Variants in AUTS2 observed in about 807,000 individuals in gnomAD.
AUTS2 encodes the protein activator of transcription and developmental regulator AUTS2, also known as autism susceptibility gene 2 protein.
Under a neutral mutation model 112.4 loss-of-function variants are expected in AUTS2, and 17 were observed. That is an observed-to-expected ratio of 0.15 (90% CI 0.10 to 0.23). AUTS2 has a LOEUF of 0.23. Ranked by LOEUF, AUTS2 falls within the 10% of genes least tolerant of loss-of-function variation. AUTS2 has a pLI of 1.00. For missense variants in AUTS2, 1,510 were observed against 1,701.6 expected (o/e 0.89, Z 1.98); for synonymous variants, 751 against 702.7 (o/e 1.07, Z -1.09).
At chr7:69,707,840 C>G (rs536928127) in intron 1 of AUTS2, among the ~76,000 whole-genome samples, 2 of 152,220 alleles carry the variant, frequency 1.3e-5, no homozygotes, top group East Asian at 1.9e-4. Context: ...ACATTTTAAC[C>G]CCATTTGGGC....
intron 5 of AUTS2, among the ~76,000 whole-genome samples, chr7:70,621,592 G>A (rs575747592): frequency 1.3e-5 from 2 of 152,218 alleles, no homozygotes; most frequent in African/African-American, 4.8e-5. Flanking sequence ...TTGAGGGGTG[G>A]GAGGGTAGGA....
At chr7:70,342,403 A>G (rs764179580) in intron 4 of AUTS2, among the ~76,000 whole-genome samples, 18 of 151,902 alleles carry the variant, frequency 1.2e-4, no homozygotes, top group Non-Finnish European at 2.5e-4. Context: ...TTTATTATCA[A>G]CTATGCAGAA....
At chr7:70,235,708 A>G (rs751628589) in intron 4 of AUTS2, among the ~76,000 whole-genome samples, 87 of 150,994 alleles carry the variant, frequency 5.8e-4, no homozygotes, top group Admixed American at 2.4e-3. Context: ...CTGGAGTGCA[A>G]TGGTATGATT....
chr7:70,211,879 G>C (rs1352406939), intron 4 of AUTS2, among the ~76,000 whole-genome samples: 2 of 151,896 alleles, frequency 1.3e-5, no homozygotes, highest in Non-Finnish European at 1.5e-5. Context: ...CCAGCTACTC[G>C]GGCGGCTGAG....
chr7:70,356,585 G>A (rs149623090), intron 4 of AUTS2, among the ~76,000 whole-genome samples: 113 of 152,194 alleles, frequency 7.4e-4, no homozygotes, highest in Non-Finnish European at 1.4e-3. Context: ...GTTGTGAGGG[G>A]GTTACTTACT....
chr7:70,458,894 C>T (rs1416862204), intron 5 of AUTS2, among the ~76,000 whole-genome samples: 3 of 152,202 alleles, frequency 2.0e-5, no homozygotes, highest in Admixed American at 6.5e-5. Context: ...CTGCTCCATC[C>T]ACACGGGAGA....
chr7:69,669,707 C>T (rs1009158930), intron 1 of AUTS2, among the ~76,000 whole-genome samples: 5 of 151,812 alleles, frequency 3.3e-5, no homozygotes, highest in Admixed American at 2.6e-4. Flanking sequence ...TTTTTTTCCC[C>T]TCAAAGAAAA....
At chr7:70,214,631 C>T (rs2129589508) in intron 4 of AUTS2, among the ~76,000 whole-genome samples, 1 of 152,264 alleles carries the variant, frequency 6.6e-6, no homozygotes, top group South Asian at 2.1e-4. Context: ...CGACAGCCAG[C>T]AGTGGTCTAA....
chr7:70,763,252 C>G lies in AUTS2; in HGVS notation c.1125C>G (p.Leu375=). 1 of 1,613,982 alleles carries G rather than the reference C, an allele frequency of 6.2e-7. No homozygotes were observed. The highest frequency in any genetic ancestry group is 8.5e-7 in the Non-Finnish European group (1 of 1,179,952). The part of the protein sequence containing the change: ...QSPTQLLHQN[L]PPVQAHPSAQ... Reference sequence around the variant, plus strand: ...CCACCCAGCTGCTCCATCAGAACCTCCCACCTGTGCAGGCCCACCCCTCTG... The same window carrying G: ...CCACCCAGCTGCTCCATCAGAACCTGCCACCTGTGCAGGCCCACCCCTCTG... The change falls in exon 7 of 19, where the codon CTC becomes CTG. Residue 375 remains leucine, a synonymous_variant. Transcript: ENST00000342771.
intron 1 of AUTS2, among the ~76,000 whole-genome samples, chr7:69,895,750 C>T (rs1794718768): frequency 6.6e-6 from 1 of 152,166 alleles, no homozygotes; most frequent in African/African-American, 2.4e-5. Context: ...ATAGCATACT[C>T]TCATAAATAT....
chr7:70,280,605 A>G (rs1055749140), intron 4 of AUTS2, among the ~76,000 whole-genome samples: 5 of 151,920 alleles, frequency 3.3e-5, no homozygotes, highest in African/African-American at 1.2e-4. Context: ...CAAATAAGGG[A>G]AACTTTTTAG....
chr7:70,196,543 C>T (rs1266833237), intron 4 of AUTS2, among the ~76,000 whole-genome samples: 1 of 152,160 alleles, frequency 6.6e-6, no homozygotes, highest in Non-Finnish European at 1.5e-5. Flanking sequence ...CTTCTCTAGG[C>T]GTCTGGATAT....
intron 6 of AUTS2, among the ~76,000 whole-genome samples, chr7:70,743,253 A>G (rs575609395): frequency 6.6e-6 from 1 of 152,220 alleles, no homozygotes; most frequent in Admixed American, 6.5e-5. Context: ...GGATCACATG[A>G]GGCCAGGAGT....
intron 1 of AUTS2, among the ~76,000 whole-genome samples, chr7:69,621,450 C>T (rs909859724): frequency 1.3e-5 from 2 of 149,356 alleles, no homozygotes; most frequent in African/African-American, 4.9e-5. Context: ...TAAGCTTGCA[C>T]CTTATTACAG....
rs572051603 is a variant in AUTS2, at chr7:70,766,556, C to A, written c.1689+222C>A. Among the ~76,000 whole-genome samples the A allele has an allele frequency of 4.6e-5, 7 of 152,246 alleles. No individual in the cohort carries two copies. Among genetic ancestry groups the A allele is most frequent in the South Asian group, 2.1e-4 (1 of 4,816 alleles). On this transcript the variant is annotated intron_variant, in intron 9 of 18. Transcript: ENST00000342771. The surrounding 1 kb of genome is among the most constrained non-coding windows in gnomAD (Gnocchi z 4.8). ...TTCTAGGCAGTTGTATCCAGCACTG[C>A]GGGCGGAAATGATTCCATCTGCCCT...
intron 1 of AUTS2, among the ~76,000 whole-genome samples, chr7:69,815,486 C>T (rs1790718696): frequency 6.6e-6 from 1 of 152,076 alleles, no homozygotes; most frequent in Non-Finnish European, 1.5e-5. Flanking sequence ...AGGAAATGCT[C>T]TGTTGTTTTG....
intron 1 of AUTS2, among the ~76,000 whole-genome samples, chr7:69,623,991 C>T (rs923685470): frequency 6.6e-6 from 1 of 152,066 alleles, no homozygotes; most frequent in Non-Finnish European, 1.5e-5. Context: ...GTGAAAAAAG[C>T]ATTGTCTTTT....
intron 5 of AUTS2, among the ~76,000 whole-genome samples, chr7:70,525,739 GA>G (rs1409356470): frequency 6.6e-6 from 1 of 152,224 alleles, no homozygotes; most frequent in African/African-American, 2.4e-5. Context: ...TCCCTATGAG[GA>G]AAGGAGCCCA....
intron 5 of AUTS2, among the ~76,000 whole-genome samples, chr7:70,510,472 AG>A (rs1399652429): frequency 6.6e-6 from 1 of 152,228 alleles, no homozygotes; most frequent in African/African-American, 2.4e-5. Context: ...GTTCTCAAAG[AG>A]TGGCCCAGGT....
Sources: gnomAD v4.1 joint callset for allele counts (sites outside exome capture counted in the v4.1 genomes callset) on GRCh38, gnomAD v4.1.1 for gene constraint, Gnocchi (gnomAD v3.1) non-coding constraint, MANE v1.5 for transcripts, NCBI Gene and HGNC (gene_info 2026-07-23, HGNC 2026-07-21) for gene names.